The following RIMBP2 variants were observed in gnomAD, a reference collection of about 807,000 sequenced individuals.
The protein encoded by RIMBP2 is RIMS binding protein 2, also known as RIMS-binding protein 2.
In RIMBP2, 48 loss-of-function variants were observed where a neutral mutation model predicts 118.6. The ratio of observed to expected loss-of-function variants is 0.40; its 90% CI spans 0.32 to 0.51. RIMBP2 has a LOEUF of 0.51. RIMBP2 is among the 20% of genes least tolerant of loss of function. The pLI is 0.41. For missense variants in RIMBP2, 1,551 were observed against 1,768.3 expected (o/e 0.88, Z 2.20); for synonymous variants, 762 against 742.9 (o/e 1.03, Z -0.42).
intron 2 of RIMBP2, among the ~76,000 whole-genome samples, chr12:130,593,257 G>GA (rs2059381007): frequency 6.6e-6 from 1 of 152,176 alleles, no homozygotes; most frequent in Admixed American, 6.5e-5. Flanking sequence ...CACAGCACTG[G>GA]ACACCTTTCC....
intron 11 of RIMBP2, among the ~76,000 whole-genome samples, chr12:130,439,774 T>C (rs1431805770): frequency 6.8e-6 from 1 of 147,328 alleles, no homozygotes; most frequent in Non-Finnish European, 1.5e-5. Flanking sequence ...TGTGTGTGTA[T>C]GTGGGTATGT....
rs768758891 is a variant in RIMBP2 at position 130,523,205 on chromosome 12, G to C, written c.-216-5288C>G. Among the ~76,000 whole-genome samples the C allele has an allele frequency of 2.6e-5, 4 of 151,836 alleles. No homozygotes were observed. The highest frequency in any genetic ancestry group is 2.1e-4 in the South Asian group (1 of 4,806). The stretch of plus-strand genomic sequence containing the variant: ...TCTCTGTCTCTATTTCTCTGTGTTG[G>C]GGGGGGTTTCTCTGCCTCCATCTCT... On this transcript the variant is annotated intron_variant, in intron 2 of 22. Transcript: ENST00000690449. This position sits in a 1 kb window ranked among gnomAD's most constrained non-coding sequence, Gnocchi z 4.4.
At chr12:130,600,269 G>A (rs933712611) in intron 2 of RIMBP2, among the ~76,000 whole-genome samples, 21 of 152,204 alleles carry the variant, frequency 1.4e-4, no homozygotes, top group Non-Finnish European at 2.5e-4. Flanking sequence ...AAAATCCAAA[G>A]GGCATCAGCC....
In RIMBP2 at chr12:130,623,293, G is replaced by T. The variant is rs903540175; in HGVS notation, c.-217+5029C>A. Reference sequence around the variant, plus strand: ...GTTCTTGGCTACATGTGCAGAACATGCAGGTTTGTTACACAGGTATACATG... The same window carrying T: ...GTTCTTGGCTACATGTGCAGAACATTCAGGTTTGTTACACAGGTATACATG... On this transcript the variant is annotated intron_variant, in intron 2 of 22. Transcript: ENST00000690449. This position sits in a 1 kb window ranked among gnomAD's most constrained non-coding sequence, Gnocchi z 4.1. Among the ~76,000 whole-genome samples the T allele has an allele frequency of 6.6e-6, 1 of 152,158 alleles. No individual in the cohort carries two copies. The highest frequency in any genetic ancestry group is 1.5e-5 in the Non-Finnish European group (1 of 68,042).
chr12:130,465,109 C>T (rs2080337571), intron 6 of RIMBP2: 1 of 152,274 alleles, frequency 6.6e-6, no homozygotes, highest in African/African-American at 2.4e-5. Flanking sequence ...GCCACACAGC[C>T]CACAATCATC....
rs559543580 is a variant in RIMBP2 at position 130,616,565 on chromosome 12, C to T, written c.-217+11757G>A. Among the ~76,000 whole-genome samples the T allele has an allele frequency of 9.2e-5, 14 of 152,300 alleles. No individual in the cohort carries two copies. In the South Asian group the frequency reaches 2.3e-3, roughly 25 times the overall value. On this transcript the variant is annotated intron_variant, in intron 2 of 22. Transcript: ENST00000690449. ...AAGGAAACTGAGGCATAGAAAAAGTCGCCCAACCCATCAGCCATGTCTACT... is the reference window on the plus strand; with the variant it reads ...AAGGAAACTGAGGCATAGAAAAAGTTGCCCAACCCATCAGCCATGTCTACT...
chr12:130,604,930 G>C (rs2060097441), intron 2 of RIMBP2, among the ~76,000 whole-genome samples: 1 of 151,434 alleles, frequency 6.6e-6, no homozygotes, highest in Non-Finnish European at 1.5e-5. Context: ...TTTCTGCAAG[G>C]TTTAGATATG....
chr12:130,535,698 T>C (rs1241928064), intron 2 of RIMBP2, among the ~76,000 whole-genome samples: 1 of 141,522 alleles, frequency 7.1e-6, no homozygotes, highest in Non-Finnish European at 1.5e-5. Context: ...CATATACATA[T>C]ATATACACAT....
chr12:130,589,712 TA>T (rs1447191359), intron 2 of RIMBP2, among the ~76,000 whole-genome samples: 1 of 152,260 alleles, frequency 6.6e-6, no homozygotes, highest in Non-Finnish European at 1.5e-5. Flanking sequence ...TGTACCCTTA[TA>T]GACATTATTA....
chr12:130,562,598 C>T (rs2056903592), intron 2 of RIMBP2, among the ~76,000 whole-genome samples: 1 of 152,248 alleles, frequency 6.6e-6, no homozygotes, highest in Non-Finnish European at 1.5e-5. Context: ...CTATGAGCCT[C>T]TCCTCTTCTC....
intron 4 of RIMBP2, among the ~76,000 whole-genome samples, chr12:130,480,670 G>T (rs917457698): frequency 2.0e-5 from 3 of 151,916 alleles, no homozygotes; most frequent in African/African-American, 7.3e-5. Context: ...GCAGGATCTT[G>T]GCTCACTGCA....
At chr12:130,403,381 TC>T (rs1262644968) in intron 21 of RIMBP2, among the ~76,000 whole-genome samples, 1 of 152,172 alleles carries the variant, frequency 6.6e-6, no homozygotes, top group African/African-American at 2.4e-5. Context: ...GGAAGACTAT[TC>T]AAGAAACTAA....
chr12:130,521,972 CA>C (rs2052179452), intron 2 of RIMBP2, among the ~76,000 whole-genome samples: 1 of 152,116 alleles, frequency 6.6e-6, no homozygotes, highest in South Asian at 2.1e-4. Flanking sequence ...CTGTAAGAAT[CA>C]AAACACACAG....
rs559130376 is a variant in RIMBP2, at chr12:130,545,606, T to C, written c.-216-27689A>G. ...TGCCTCACACTCAAGGCTGACATTG[T>C]ATTTCTATCAGGTGCGTCCCTCTAG... On this transcript the variant is annotated intron_variant, in intron 2 of 22. Coordinates refer to ENST00000690449, the MANE Select transcript of RIMBP2 (RefSeq NM_001393629.1). Among the ~76,000 whole-genome samples, 12 of 152,318 alleles carry C rather than the reference T, an allele frequency of 7.9e-5. No homozygotes were observed. In the South Asian group the frequency reaches 2.5e-3, roughly 32 times the overall value.
At position 130,581,549 on chromosome 12, in the gene RIMBP2, C is replaced by T. The variant is rs182626540; in HGVS notation, c.-217+46773G>A. On this transcript the variant is annotated intron_variant, in intron 2 of 22. Coordinates refer to ENST00000690449, the MANE Select transcript of RIMBP2 (RefSeq NM_001393629.1). The surrounding 1 kb of genome is among the most constrained non-coding windows in gnomAD (Gnocchi z 4.4). ...GGCCTTCCTGCCAGTCTCCCCACCC[C>T]ACAGCCCTCCCGTGCCAGTAGGTGG... Among the ~76,000 whole-genome samples the T allele has an allele frequency of 1.8e-3, 273 of 152,310 alleles. 2 individuals are homozygous for T. The highest frequency in any genetic ancestry group is 6.3e-3 in the African/African-American group (263 of 41,538).
At position 130,479,766 on chromosome 12, in the gene RIMBP2, C is replaced by T. The variant is rs577665993; in HGVS notation, c.-3-750G>A. On this transcript the variant is annotated intron_variant, in intron 4 of 22. Transcript: ENST00000690449. Reference sequence around the variant, plus strand: ...CAAGGTGGCCCCCATCAGCCAGGCCCATTTTCTGCAGCAGAGAGGACAGAG... The same window carrying T: ...CAAGGTGGCCCCCATCAGCCAGGCCTATTTTCTGCAGCAGAGAGGACAGAG... Among the ~76,000 whole-genome samples the T allele has an allele frequency of 3.0e-3, 461 of 152,042 alleles. 1 individual carries two copies. The highest frequency in any genetic ancestry group is 0.011 in the African/African-American group (445 of 41,498).
intron 2 of RIMBP2, among the ~76,000 whole-genome samples, chr12:130,544,046 T>C (rs1313572216): frequency 2.6e-5 from 4 of 152,222 alleles, no homozygotes; most frequent in East Asian, 3.9e-4. Context: ...ATTAGATCCC[T>C]TGGAGAATCT....
At chr12:130,476,446 C>CAT (rs1303133771) in intron 5 of RIMBP2, among the ~76,000 whole-genome samples, 1 of 152,170 alleles carries the variant, frequency 6.6e-6, no homozygotes, top group Non-Finnish European at 1.5e-5. Flanking sequence ...ATCCGTGCCT[C>CAT]ATGGTGCAGG....
At chr12:130,707,268 C>T (rs1056087873) in intron 1 of RIMBP2, among the ~76,000 whole-genome samples, 3 of 152,270 alleles carry the variant, frequency 2.0e-5, no homozygotes, top group African/African-American at 7.2e-5. Context: ...GCAGAGGATT[C>T]GTGCCCTCAC....
Sources: gnomAD v4.1 joint callset for allele counts (sites outside exome capture counted in the v4.1 genomes callset) on GRCh38, gnomAD v4.1.1 for gene constraint, Gnocchi (gnomAD v3.1) non-coding constraint, MANE v1.5 for transcripts, NCBI Gene and HGNC (gene_info 2026-07-23, HGNC 2026-07-21) for gene names.